Variants in NHSL1 observed in about 807,000 individuals in gnomAD.
NHSL1 encodes NHS-like protein 1.
In NHSL1, 48 loss-of-function variants were observed where a neutral mutation model predicts 95.0. The observed-to-expected ratio is 0.51, with a 90% CI of 0.40 to 0.64. The LOEUF (loss-of-function observed/expected upper bound fraction) is 0.64, where lower values mean the gene tolerates loss of function less well. Ranked by LOEUF, NHSL1 falls within the 30% of genes least tolerant of loss-of-function variation. The pLI, the probability that NHSL1 is intolerant of heterozygous loss-of-function variation, is 0.00. For synonymous variants in NHSL1, 783 were observed against 833.9 expected (o/e 0.94, Z 1.05); for missense variants, 1,971 against 2,077.7 (o/e 0.95, Z 1.00).
chr6:138,464,710 C>CTTTTCTT (rs1778236285), intron 3 of NHSL1, among the ~76,000 whole-genome samples: 1 of 111,718 alleles, frequency 9.0e-6, no homozygotes, highest in Admixed American at 9.9e-5. Context: ...TTTTTTTTTT[C>CTTTTCTT]TTTTCTTTTT....
chr6:138,467,214 G>A (rs867920722), intron 3 of NHSL1, among the ~76,000 whole-genome samples: 4 of 151,532 alleles, frequency 2.6e-5, no homozygotes, highest in Non-Finnish European at 2.9e-5. Context: ...GTGCAGTGGC[G>A]CGATCTCGGC....
exon 1 of NHSL1, chr6:138,545,693 G>T: frequency 2.3e-6 from 3 of 1,286,214 alleles, no homozygotes; most frequent in African/African-American, 1.5e-5. Context: ...AGCCTGCAGT[G>T]CTAGGCACAG....
intron 1 of NHSL1, among the ~76,000 whole-genome samples, chr6:138,631,182 G>C (rs1470691170): frequency 6.6e-6 from 1 of 152,182 alleles, no homozygotes; most frequent in Non-Finnish European, 1.5e-5. Flanking sequence ...ACTCTAGACA[G>C]AGGGGAATCA....
chr6:138,529,869 A>G (rs1399332079), intron 1 of NHSL1, among the ~76,000 whole-genome samples: 3 of 152,220 alleles, frequency 2.0e-5, no homozygotes, highest in African/African-American at 7.2e-5. Context: ...CTTTAATGAC[A>G]TCTGAAAAGT....
At chr6:138,641,300 C>T (rs191574615) in intron 1 of NHSL1, among the ~76,000 whole-genome samples, 6 of 152,142 alleles carry the variant, frequency 3.9e-5, no homozygotes, top group Non-Finnish European at 5.9e-5. Flanking sequence ...CTGGATGAGT[C>T]GGGAAAAGAC....
upstream of NHSL1, among the ~76,000 whole-genome samples, chr6:138,693,037 T>C (rs4073521): frequency 0.057 from 8,629 of 150,606 alleles, 332 homozygotes; most frequent in Middle Eastern, 0.1. This position sits in a 1 kb window ranked among gnomAD's most constrained non-coding sequence, Gnocchi z 4.3. Flanking sequence ...CCCGCAGGGC[T>C]TCGCGGGCCG....
chr6:138,629,979 C>T (rs553341865), intron 1 of NHSL1, among the ~76,000 whole-genome samples: 2 of 152,310 alleles, frequency 1.3e-5, no homozygotes, highest in African/African-American at 2.4e-5. Context: ...AAAAGATTTA[C>T]ACTAACTGGC....
intron 1 of NHSL1, among the ~76,000 whole-genome samples, chr6:138,597,308 G>T (rs1199429506): frequency 6.6e-6 from 1 of 152,142 alleles, no homozygotes; most frequent in Non-Finnish European, 1.5e-5. Context: ...AAAGAACAAA[G>T]AATTTACAGG....
intron 1 of NHSL1, among the ~76,000 whole-genome samples, chr6:138,569,287 AAG>A (rs1005422940): frequency 4.4e-4 from 64 of 146,672 alleles, no homozygotes; most frequent in Non-Finnish European, 8.6e-4. Context: ...GAGAGAGAGA[AAG>A]AGAGCGAGAG....
intron 4 of NHSL1, among the ~76,000 whole-genome samples, chr6:138,442,412 A>G (rs371573834): frequency 3.1e-4 from 47 of 152,316 alleles, no homozygotes; most frequent in African/African-American, 1.1e-3. Context: ...TTAACAAAAC[A>G]AAATTTTGGA....
chr6:138,458,423 C>G (rs1326744113), intron 3 of NHSL1, among the ~76,000 whole-genome samples: 1 of 152,172 alleles, frequency 6.6e-6, no homozygotes, highest in East Asian at 1.9e-4. Flanking sequence ...CAAGACAAAA[C>G]AGAACAGCCT....
At chr6:138,502,326 C>CAT (rs1444468574), upstream of NHSL1, among the ~76,000 whole-genome samples, 1 of 152,188 alleles carries the variant, frequency 6.6e-6, no homozygotes, top group Non-Finnish European at 1.5e-5. Flanking sequence ...ATGTTTTCAT[C>CAT]ATATAATCTG....
intron 1 of NHSL1, among the ~76,000 whole-genome samples, chr6:138,621,299 C>A (rs1251515931): frequency 6.6e-6 from 1 of 152,182 alleles, no homozygotes; most frequent in Non-Finnish European, 1.5e-5. Flanking sequence ...GAAGTCAAAG[C>A]TTTAAGTCCA....
In NHSL1 at chr6:138,447,009, T is replaced by G. The variant is rs957304283; in HGVS notation, c.524A>C (p.Asn175Thr). ...QTVQADVVPINITGENFDRQA... is the reference protein window; with the variant it reads ...QTVQADVVPITITGENFDRQA... ...TGGCTAGCAAAGCGTACCAGTTATGTTAATAGGCACCACGTCAGCCTGGAC... is the reference window on the plus strand; with the variant it reads ...TGGCTAGCAAAGCGTACCAGTTATGGTAATAGGCACCACGTCAGCCTGGAC... Residue 175 changes from asparagine to threonine, a missense_variant, in exon 4 of 8, where the codon AAC becomes ACC. Physicochemically the swap from Asn to Thr is moderately conservative, Grantham distance 65 (BLOSUM62 0). Transcript: ENST00000343505. The G allele has an allele frequency of 1.9e-6, 3 of 1,551,510 alleles. No homozygotes were observed. The highest frequency in any genetic ancestry group is 1.4e-5 in the African/African-American group (1 of 73,046).
At chr6:138,648,945 A>G (rs1444815971) in intron 1 of NHSL1, among the ~76,000 whole-genome samples, 2 of 152,228 alleles carry the variant, frequency 1.3e-5, no homozygotes, top group Non-Finnish European at 2.9e-5. Context: ...GCATTAGTAT[A>G]AAAATGTAGT....
chr6:138,608,311 G>T (rs899137602), intron 1 of NHSL1, among the ~76,000 whole-genome samples: 15 of 152,164 alleles, frequency 9.9e-5, no homozygotes, highest in African/African-American at 1.4e-4. Flanking sequence ...ATAGCCTCAA[G>T]ATTCTAAATC....
At chr6:138,558,315 G>A (rs1270777125) in intron 1 of NHSL1, among the ~76,000 whole-genome samples, 2 of 151,508 alleles carry the variant, frequency 1.3e-5, no homozygotes, top group African/African-American at 2.4e-5. Context: ...GTAGAGATGT[G>A]GTTTCACCGT....
Position 138,559,400 on chromosome 6 carries a change from A to C in NHSL1, c.202+12310T>G, listed in dbSNP as rs183120189. Among the ~76,000 whole-genome samples the C allele has an allele frequency of 3.6e-4, 55 of 152,358 alleles. No individual in the cohort carries two copies. In the East Asian group the frequency reaches 6.9e-3, roughly 19 times the overall value. On this transcript the variant is annotated intron_variant, in intron 1 of 6. Coordinates refer to the NHSL1 transcript ENST00000427025. Reference sequence around the variant, plus strand: ...TTGGCAATCACTCGGTCCTGCTGCCAACTTTCAAGGCTTATACACCAACGG... The same window carrying C: ...TTGGCAATCACTCGGTCCTGCTGCCCACTTTCAAGGCTTATACACCAACGG...
upstream of NHSL1, among the ~76,000 whole-genome samples, chr6:138,577,123 A>G (rs1199300279): frequency 5.3e-5 from 8 of 152,220 alleles, no homozygotes; most frequent in African/African-American, 1.7e-4. Context: ...CATAAGACAC[A>G]ATATTTTATG....
Sources: allele counts gnomAD v4.1 joint callset (sites outside exome capture counted in the v4.1 genomes callset), GRCh38; gene constraint gnomAD v4.1.1; non-coding constraint Gnocchi (gnomAD v3.1); transcripts MANE v1.5; gene names NCBI Gene and HGNC (gene_info 2026-07-23, HGNC 2026-07-21).